Variants in TANC2 observed in about 807,000 individuals in gnomAD.
TANC2 encodes the protein tetratricopeptide repeat, ankyrin repeat and coiled-coil containing 2.
TANC2 carries 26 observed loss-of-function variants against 210.5 expected under a neutral mutation model. That is an observed-to-expected ratio of 0.12 (90% CI 0.09 to 0.17). TANC2 has a LOEUF of 0.17. TANC2 is among the 10% of genes least tolerant of loss of function. The pLI is 1.00. For missense variants in TANC2, 2,129 were observed against 2,608.9 expected (o/e 0.82, Z 4.01); for synonymous variants, 931 against 967.1 (o/e 0.96, Z 0.69).
chr17:63,048,530 G>C (rs1263971329), intron 2 of TANC2, among the ~76,000 whole-genome samples: 2 of 152,196 alleles, frequency 1.3e-5, no homozygotes, highest in Admixed American at 6.5e-5. Flanking sequence ...CGGCTAGCCA[G>C]TTATCCCAGT....
At chr17:63,405,357 C>G in intron 20 of TANC2, 102 bp downstream of exon 20, 1 of 1,333,962 alleles carries the variant, frequency 7.5e-7, no homozygotes, top group South Asian at 1.8e-5. Flanking sequence ...TTTGGGTTAC[C>G]CAGCAGTGAT....
intron 4 of TANC2, among the ~76,000 whole-genome samples, chr17:63,121,933 C>T (rs954954929): frequency 2.2e-5 from 3 of 134,404 alleles, no homozygotes; most frequent in African/African-American, 8.6e-5. Flanking sequence ...TACCACTGCA[C>T]TGTAGCCTGG....
At chr17:63,361,667 T>TCTTCTCTC (rs2046961683) in intron 14 of TANC2, among the ~76,000 whole-genome samples, 1 of 152,226 alleles carries the variant, frequency 6.6e-6, no homozygotes, top group African/African-American at 2.4e-5. Context: ...GAACTGCAGC[T>TCTTCTCTC]CTTCTCTCCT....
intron 7 of TANC2, among the ~76,000 whole-genome samples, chr17:63,215,478 A>C (rs1039888111): frequency 6.6e-5 from 10 of 152,122 alleles, no homozygotes; most frequent in African/African-American, 2.4e-4. Context: ...AGACCAGGGA[A>C]TGACTACGGT....
At position 62,966,451 on chromosome 17, in the gene TANC2, G is replaced by T. The variant is rs1310044054; in HGVS notation, c.-322G>T. Among the ~76,000 whole-genome samples the T allele has an allele frequency of 6.8e-6, 1 of 148,116 alleles. No individual in the cohort carries two copies. The highest frequency in any genetic ancestry group is 1.5e-5 in the Non-Finnish European group (1 of 66,408). On this transcript the variant is annotated 5_prime_UTR_variant, in exon 1 of 28. Transcript: ENST00000689528. The surrounding 1 kb of genome is among the most constrained non-coding windows in gnomAD (Gnocchi z 5.1). ...CCGCCCCCATTCCCATCCCCCTCGCGCTCACCTCCCGGCTGTGCCGCGCGC... is the reference window on the plus strand; with the variant it reads ...CCGCCCCCATTCCCATCCCCCTCGCTCTCACCTCCCGGCTGTGCCGCGCGC...
intron 12 of TANC2, among the ~76,000 whole-genome samples, chr17:63,348,785 A>G (rs1327703222): frequency 2.6e-5 from 4 of 152,184 alleles, no homozygotes; most frequent in African/African-American, 4.8e-5. Flanking sequence ...CTAAATATCT[A>G]CAGAAATTTG....
chr17:63,252,668 T>A (rs1216191771), intron 8 of TANC2, among the ~76,000 whole-genome samples: 1 of 152,190 alleles, frequency 6.6e-6, no homozygotes, highest in Non-Finnish European at 1.5e-5. Context: ...CTGGCTTATT[T>A]CACTTAACAT....
intron 4 of TANC2, among the ~76,000 whole-genome samples, chr17:63,138,186 C>T (rs538974335): frequency 6.6e-6 from 1 of 152,212 alleles, no homozygotes; most frequent in Admixed American, 6.5e-5. Flanking sequence ...TGCAGAGAAT[C>T]CAACAAAGAA....
chr17:63,370,008 T>A (rs2047218821), intron 14 of TANC2, among the ~76,000 whole-genome samples: 1 of 152,122 alleles, frequency 6.6e-6, no homozygotes, highest in Admixed American at 6.5e-5. Context: ...CCCTGCTCTC[T>A]CTTCTCATTT....
chr17:63,387,440 A>G (rs2047821145), intron 15 of TANC2, among the ~76,000 whole-genome samples: 1 of 152,170 alleles, frequency 6.6e-6, no homozygotes, highest in African/African-American at 2.4e-5. Context: ...TAAGTTACTG[A>G]CACATTCCTC....
At chr17:63,402,408 A>T (rs1456529288) in intron 19 of TANC2, among the ~76,000 whole-genome samples, 2 of 152,184 alleles carry the variant, frequency 1.3e-5, no homozygotes, top group Admixed American at 1.3e-4. Flanking sequence ...GCAGTGTCTG[A>T]CATATAGCTC....
At chr17:63,159,797 G>A (rs1032794429) in intron 5 of TANC2, among the ~76,000 whole-genome samples, 1 of 152,184 alleles carries the variant, frequency 6.6e-6, no homozygotes, top group Non-Finnish European at 1.5e-5. Context: ...ATTGGGAGGG[G>A]GGTCCTGAAA....
chr17:63,062,634 A>G (rs1169497829), intron 2 of TANC2, among the ~76,000 whole-genome samples: 1 of 151,884 alleles, frequency 6.6e-6, no homozygotes, highest in Admixed American at 6.6e-5. Context: ...TCTGTCATAC[A>G]CCCTATTGCT....
At chr17:63,237,484 G>A (rs1899635) in intron 7 of TANC2, among the ~76,000 whole-genome samples, 152,215 of 152,268 alleles carry the variant, frequency 1, 76,081 homozygotes, top group Middle Eastern at 1. Flanking sequence ...GCATTTGCCT[G>A]TTTTTGTTTT....
rs1463147737 is a variant in TANC2, at chr17:63,418,844, G to A, written c.4268+437G>A. Reference sequence around the variant, plus strand: ...CTCCCATAGGCGTTTGAGGAATCCCGGATTAGTTAGTCTTCCCTCTGGGGC... The same window carrying A: ...CTCCCATAGGCGTTTGAGGAATCCCAGATTAGTTAGTCTTCCCTCTGGGGC... On this transcript the variant is annotated intron_variant, in intron 27 of 27. Coordinates refer to ENST00000689528, the Ensembl canonical transcript of TANC2. The surrounding 1 kb of genome is among the most constrained non-coding windows in gnomAD (Gnocchi z 4.6). Among the ~76,000 whole-genome samples, 2 of 152,118 alleles carry A rather than the reference G, an allele frequency of 1.3e-5. No individual in the cohort carries two copies. Among genetic ancestry groups the A allele is most frequent in the Non-Finnish European group, 2.9e-5 (2 of 68,026 alleles).
intron 9 of TANC2, among the ~76,000 whole-genome samples, chr17:63,303,738 A>G (rs540999664): frequency 7.9e-5 from 12 of 151,950 alleles, no homozygotes; most frequent in Admixed American, 5.9e-4. Context: ...ACTCCAGTCA[A>G]TCACAGGTTT....
At chr17:63,090,222 T>C (rs1203849160) in intron 3 of TANC2, among the ~76,000 whole-genome samples, 1 of 151,656 alleles carries the variant, frequency 6.6e-6, no homozygotes, top group Non-Finnish European at 1.5e-5. Context: ...TGAGTTTTTT[T>C]TTTTTTGTAC....
At chr17:63,192,596 G>C (rs888942755) in intron 5 of TANC2, among the ~76,000 whole-genome samples, 2 of 152,092 alleles carry the variant, frequency 1.3e-5, no homozygotes, top group Non-Finnish European at 2.9e-5. Context: ...ATAGATTCTG[G>C]AGTCAGGGAG....
At chr17:63,426,767 A>AGCGC (rs2147469731) in exon 28 of TANC2, 1 of 152,308 alleles carries the variant, frequency 6.6e-6, no homozygotes, top group East Asian at 1.9e-4. Context: ...TCATTTTTCC[A>AGCGC]GGTAGACCTA....
Sources: gnomAD v4.1 joint callset for allele counts (sites outside exome capture counted in the v4.1 genomes callset) on GRCh38, gnomAD v4.1.1 for gene constraint, Gnocchi (gnomAD v3.1) non-coding constraint, MANE v1.5 for transcripts, NCBI Gene and HGNC (gene_info 2026-07-23, HGNC 2026-07-21) for gene names.